Variants in GUCY2C observed in about 807,000 individuals in gnomAD.
The protein encoded by GUCY2C is guanylyl cyclase C.
Under a neutral mutation model 131.1 loss-of-function variants are expected in GUCY2C, and 118 were observed. That is an observed-to-expected ratio of 0.90 (90% CI 0.78 to 1.05). The LOEUF is 1.05. Ranked by LOEUF, GUCY2C falls within the 50% of genes least tolerant of loss-of-function variation. The pLI is 0.00. For missense variants in GUCY2C, 1,161 were observed against 1,304.4 expected, an observed-to-expected ratio of 0.89 and a Z score of 1.69; for synonymous variants, 452 against 457.8, an observed-to-expected ratio of 0.99 and a Z score of 0.16.
At position 14,622,112 on chromosome 12, in the gene GUCY2C, C is replaced by G. The variant is rs750293950; in HGVS notation, c.2494G>C (p.Gly832Arg). 4 of 1,607,544 alleles carry G rather than the reference C, an allele frequency of 2.5e-6. No homozygotes were observed. The South Asian group carries it at 3.3e-5, about 13-fold the overall frequency. ...EVTIYFSDIV[G>R]FTTICKYSTP... is the part of the protein sequence containing the mutation. Reference sequence around the variant, plus strand: ...CTGTATTTGCAGATAGTAGTGAAACCTACAATGTCACTGAAGTAGATTGTA... The same window carrying G: ...CTGTATTTGCAGATAGTAGTGAAACGTACAATGTCACTGAAGTAGATTGTA... The change falls in exon 22 of 27, where the codon GGT (glycine) becomes CGT (arginine). Residue 832 changes from glycine (G) to arginine (R), a missense_variant. Physicochemically the swap from Gly to Arg is moderately radical, Grantham distance 125. Transcript: ENST00000261170.
chr12:14,623,854 G>T (rs1946948432), intron 21 of GUCY2C, among the ~76,000 whole-genome samples: 1 of 152,072 alleles, frequency 6.6e-6, no homozygotes, highest in East Asian at 1.9e-4. Flanking sequence ...CTTCCACCAT[G>T]GTTGTACATT....
chr12:14,681,437 G>T lies in GUCY2C; in HGVS notation c.652C>A (p.His218Asn). ...ALEASVSYFS[H>N]ELGFKVVLRQ... is the part of the protein sequence containing the mutation. Reference sequence around the variant, plus strand: ...AACACCACCTTAAAGCCGAGTTCGTGGGAGAAATAGGAAACGCTAGCCTCC... The same window carrying T: ...AACACCACCTTAAAGCCGAGTTCGTTGGAGAAATAGGAAACGCTAGCCTCC... Residue 218 changes from histidine to asparagine, a missense_variant, in exon 5 of 27, where the codon CAC (histidine) becomes AAC (asparagine). Coordinates refer to ENST00000261170, the MANE Select transcript of GUCY2C (RefSeq NM_004963.4). 6.2e-7 allele frequency: 1 copy of T among 1,611,964 alleles called. No individual in the cohort carries two copies. Among genetic ancestry groups the T allele is most frequent in the South Asian group, 1.1e-5 (1 of 90,992 alleles).
intron 20 of GUCY2C, among the ~76,000 whole-genome samples, chr12:14,628,021 GGTAA>G (rs766574173): frequency 7.2e-5 from 11 of 152,242 alleles, no homozygotes; most frequent in Non-Finnish European, 1.0e-4. Flanking sequence ...ACCCAGTGAG[GGTAA>G]GTGTTTTGCC....
At chr12:14,688,333 C>T (rs191966811) in intron 1 of GUCY2C, among the ~76,000 whole-genome samples, 8 of 152,058 alleles carry the variant, frequency 5.3e-5, no homozygotes, top group East Asian at 3.9e-4. Flanking sequence ...GTTGAGTTTA[C>T]GATTCAATGA....
intron 25 of GUCY2C, among the ~76,000 whole-genome samples, 161 bp from the exon 26 acceptor site, chr12:14,615,104 T>G (rs951266883): frequency 6.6e-6 from 1 of 152,238 alleles, no homozygotes; most frequent in Non-Finnish European, 1.5e-5. Flanking sequence ...TGATTTGCAT[T>G]ATCTCTAGAC....
intron 20 of GUCY2C, among the ~76,000 whole-genome samples, 199 bp downstream of exon 20, chr12:14,628,447 T>C (rs1180693412): frequency 6.6e-6 from 1 of 152,218 alleles, no homozygotes; most frequent in Non-Finnish European, 1.5e-5. Context: ...CTTGAGTATG[T>C]AACTTTTCAA....
chr12:14,645,297 T>C lies in GUCY2C; in HGVS notation c.1729A>G (p.Ile577Val). Reference protein sequence around the residue: ...GSLREVLNDTISYPDGTFMDW... With the variant: ...GSLREVLNDTVSYPDGTFMDW... Reference sequence around the variant, plus strand: ...ATGAATGTGCCATCAGGGTAGGAAATTGTGTCATTTAAAACTTCCTGAATA... The same window carrying C: ...ATGAATGTGCCATCAGGGTAGGAAACTGTGTCATTTAAAACTTCCTGAATA... Residue 577 changes from isoleucine to valine, a missense_variant, in exon 16 of 27, where the codon ATT becomes GTT. Physicochemically the swap from Ile to Val is conservative, Grantham distance 29 (BLOSUM62 3). Coordinates refer to ENST00000261170, the MANE Select transcript of GUCY2C (RefSeq NM_004963.4). 6.3e-7 allele frequency: 1 copy of C among 1,587,562 alleles called. No individual in the cohort carries two copies.
At chr12:14,665,567 G>C (rs1440374480) in intron 10 of GUCY2C, 1 of 152,200 alleles carries the variant, frequency 6.6e-6, no homozygotes. Flanking sequence ...ATAGCAGGAT[G>C]GGTTGGATGG....
intron 2 of GUCY2C, 55 bp downstream of exon 2, chr12:14,687,895 TG>T (rs1948503146): frequency 5.4e-6 from 5 of 925,354 alleles, no homozygotes; most frequent in Non-Finnish European, 9.0e-6. Context: ...CATTTCACAC[TG>T]GGATTATCCT....
At chr12:14,624,812 G>T (rs1357517061) in intron 21 of GUCY2C, among the ~76,000 whole-genome samples, 1 of 152,158 alleles carries the variant, frequency 6.6e-6, no homozygotes, top group Non-Finnish European at 1.5e-5. Context: ...TAGGAAAAAA[G>T]CTGAAATGGT....
chr12:14,655,931 A>C (rs934306044), intron 12 of GUCY2C, among the ~76,000 whole-genome samples: 1 of 152,172 alleles, frequency 6.6e-6, no homozygotes, highest in Non-Finnish European at 1.5e-5. Flanking sequence ...GTGTCCCTGC[A>C]CTGTTTCTTA....
At position 14,672,920 on chromosome 12, in the gene GUCY2C, C is replaced by T. The variant is rs1410634016; in HGVS notation, c.1123G>A (p.Val375Ile). 9 of 1,609,322 alleles carry T rather than the reference C, an allele frequency of 5.6e-6. No homozygotes were observed. In the Admixed American group the frequency reaches 6.7e-5, roughly 12 times the overall value. Reference sequence around the variant, plus strand: ...TACAGAAGCACCATGGTACTGTCAACATCCCCCCAGTCATCCAAGGTCACT... The same window carrying T: ...TACAGAAGCACCATGGTACTGTCAATATCCCCCCAGTCATCCAAGGTCACT... Reference protein sequence around the residue: ...GPVTLDDWGDVDSTMVLLYTS... With the variant: ...GPVTLDDWGDIDSTMVLLYTS... The change falls in exon 9 of 27, where the codon GTT (valine) becomes ATT (isoleucine). Residue 375 changes from valine (V) to isoleucine (I), a missense_variant. Val to Ile is a conservative substitution (Grantham distance 29, BLOSUM62 3). Transcript: ENST00000261170.
intron 12 of GUCY2C, among the ~76,000 whole-genome samples, chr12:14,654,817 C>G (rs1399738340): frequency 6.6e-6 from 1 of 152,096 alleles, no homozygotes; most frequent in Non-Finnish European, 1.5e-5. Flanking sequence ...TGCACACGCT[C>G]CTTCTGAAAG....
chr12:14,639,894 A>T lies in GUCY2C; in HGVS notation c.2125T>A (p.Phe709Ile). The T allele has an allele frequency of 2.5e-6, 4 of 1,610,962 alleles. No homozygotes were observed. The highest frequency in any genetic ancestry group is 3.4e-6 in the Non-Finnish European group (4 of 1,177,074). ...TCTTTTTCCTCTGCTGTTTCCAAGAATAAATCTGGGCGGAAGGGTTTCATT... is the reference window on the plus strand; with the variant it reads ...TCTTTTTCCTCTGCTGTTTCCAAGATTAAATCTGGGCGGAAGGGTTTCATT... ...NGMKPFRPDLFLETAEEKELE... is the reference protein window; with the variant it reads ...NGMKPFRPDLILETAEEKELE... The change falls in exon 19 of 27, where the codon TTC (phenylalanine) becomes ATC (isoleucine). Residue 709 changes from phenylalanine (F) to isoleucine (I), a missense_variant. Transcript: ENST00000261170.
chr12:14,677,471 A>T (rs920812476), intron 6 of GUCY2C, among the ~76,000 whole-genome samples: 2 of 152,206 alleles, frequency 1.3e-5, no homozygotes, highest in Non-Finnish European at 2.9e-5. Context: ...TTGTATCCTC[A>T]ACTCCTAGAC....
intron 15 of GUCY2C, among the ~76,000 whole-genome samples, chr12:14,647,161 G>C (rs1292420577): frequency 6.6e-6 from 1 of 152,088 alleles, no homozygotes; most frequent in Non-Finnish European, 1.5e-5. Context: ...AGTCATATTT[G>C]TCATATACTT....
intron 1 of GUCY2C, among the ~76,000 whole-genome samples, chr12:14,692,185 T>G (rs962430327): frequency 6.6e-6 from 1 of 152,214 alleles, no homozygotes; most frequent in African/African-American, 2.4e-5. Flanking sequence ...CTTATTTTTT[T>G]CTACTCTCCT....
intron 10 of GUCY2C, among the ~76,000 whole-genome samples, chr12:14,668,596 G>A (rs1200129442): frequency 2.0e-5 from 3 of 151,170 alleles, no homozygotes; most frequent in East Asian, 1.9e-4. Context: ...GAGCCACCAC[G>A]CTTGGCTCTA....
Position 14,645,324 on chromosome 12 carries a change from G to T in GUCY2C, c.1711-9C>A. On this transcript the variant is annotated splice_polypyrimidine_tract_variant and intron_variant, in intron 15 of 26. Transcript: ENST00000261170. Reference sequence around the variant, plus strand: ...GTGTCATTTAAAACTTCCTGAATAGGAAAAAAGAAGAAGAAGAAAAGTTGT... The same window carrying T: ...GTGTCATTTAAAACTTCCTGAATAGTAAAAAAGAAGAAGAAGAAAAGTTGT... 7.3e-7 allele frequency: 1 copy of T among 1,377,740 alleles called. No homozygotes were observed. The allele number at this position is 1,377,740 out of a possible 1,614,324, so 85.3% of individuals were successfully genotyped here.
Sources: gnomAD v4.1 joint callset for allele counts (sites outside exome capture counted in the v4.1 genomes callset) on GRCh38, gnomAD v4.1.1 for gene constraint, MANE v1.5 for transcripts, NCBI Gene and HGNC (gene_info 2026-07-23, HGNC 2026-07-21) for gene names.